GATB: variants seen among roughly 807,000 people sequenced by gnomAD.
The protein encoded by GATB is glutamyl-tRNA amidotransferase subunit B.
A neutral mutation model predicts 62.3 loss-of-function variants in GATB; 39 were observed. The ratio of observed to expected loss-of-function variants is 0.63; its 90% CI spans 0.48 to 0.82. GATB has a LOEUF of 0.82. Ranked by LOEUF, GATB falls within the 40% of genes least tolerant of loss-of-function variation. The pLI is 0.00. For synonymous variants in GATB, 276 were observed against 258.9 expected, an observed-to-expected ratio of 1.07 and a Z score of -0.63; for missense variants, 670 against 684.0, an observed-to-expected ratio of 0.98 and a Z score of 0.23.
At chr4:151,718,802 T>G (rs975211920) in intron 3 of GATB, among the ~76,000 whole-genome samples, 9 of 152,232 alleles carry the variant, frequency 5.9e-5, no homozygotes, top group African/African-American at 1.9e-4. Context: ...AAAAATTGGC[T>G]CTCACTCACA....
chr4:151,743,162 T>A (rs1296418127), intron 2 of GATB, among the ~76,000 whole-genome samples: 2 of 152,150 alleles, frequency 1.3e-5, no homozygotes, highest in Non-Finnish European at 2.9e-5. Flanking sequence ...CCTAAAAGAA[T>A]TTTCCCATGA....
intron 2 of GATB, among the ~76,000 whole-genome samples, chr4:151,752,845 G>A (rs1739746910): frequency 1.3e-5 from 2 of 152,164 alleles, no homozygotes; most frequent in Non-Finnish European, 2.9e-5. Context: ...TTTAAAGTAA[G>A]ATACTAAAAT....
At chr4:151,737,831 G>A (rs971406208) in intron 2 of GATB, among the ~76,000 whole-genome samples, 64 of 152,200 alleles carry the variant, frequency 4.2e-4, no homozygotes, top group Non-Finnish European at 2.9e-5. Flanking sequence ...GCTTCCACGT[G>A]GTGTTGAGCC....
At chr4:151,702,280 G>A (rs978312147) in intron 8 of GATB, among the ~76,000 whole-genome samples, 8 of 152,020 alleles carry the variant, frequency 5.3e-5, no homozygotes, top group Admixed American at 4.6e-4. Context: ...AAAAATGAAA[G>A]GAAAAAAATT....
intron 9 of GATB, among the ~76,000 whole-genome samples, chr4:151,690,573 T>C (rs1229839118): frequency 6.6e-6 from 1 of 152,232 alleles, no homozygotes; most frequent in African/African-American, 2.4e-5. Context: ...ACTGGTAAAA[T>C]GAGCTGTCAG....
At chr4:151,725,049 G>C (rs914102710) in intron 2 of GATB, among the ~76,000 whole-genome samples, 8 of 152,326 alleles carry the variant, frequency 5.3e-5, no homozygotes, top group Middle Eastern at 3.4e-3. Flanking sequence ...GTCAAAGAGG[G>C]CACATTTGGG....
chr4:151,671,604 G>A (rs1308829643), intron 12 of GATB, among the ~76,000 whole-genome samples: 1 of 152,132 alleles, frequency 6.6e-6, no homozygotes, highest in South Asian at 2.1e-4. Context: ...CACAATGACC[G>A]AGGACACTGA....
At chr4:151,697,953 G>GTATATATA (rs56231389) in intron 9 of GATB, among the ~76,000 whole-genome samples, 976 of 40,180 alleles carry the variant, frequency 0.024, 44 homozygotes, top group Middle Eastern at 0.042. Context: ...GTGTGTGTGT[G>GTATATATA]TATATATATA....
intron 9 of GATB, among the ~76,000 whole-genome samples, chr4:151,698,398 G>A (rs1738532055): frequency 6.6e-6 from 1 of 152,164 alleles, no homozygotes; most frequent in Non-Finnish European, 1.5e-5. Context: ...ATGGGGGTGG[G>A]CATGTGCATA....
chr4:151,722,403 T>A, intron 2 of GATB: 1 of 573,684 alleles, frequency 1.7e-6, no homozygotes, highest in Non-Finnish European at 3.1e-6. Context: ...TGTGGCATTC[T>A]GTTACCTGAA....
chr4:151,735,073 T>C (rs1349703966), intron 2 of GATB, among the ~76,000 whole-genome samples: 1 of 152,094 alleles, frequency 6.6e-6, no homozygotes, highest in Admixed American at 6.5e-5. Flanking sequence ...AAAGCAAAGA[T>C]AAATAGCTGG....
intron 2 of GATB, among the ~76,000 whole-genome samples, chr4:151,743,982 A>C (rs1739546889): frequency 6.6e-6 from 1 of 152,218 alleles, no homozygotes; most frequent in Admixed American, 6.5e-5. Context: ...TAACCATAAA[A>C]GCAGGGAAAA....
intron 2 of GATB, among the ~76,000 whole-genome samples, chr4:151,726,343 G>A (rs565014559): frequency 5.3e-5 from 8 of 152,198 alleles, no homozygotes; most frequent in Non-Finnish European, 2.9e-5. Flanking sequence ...TCTCACCACT[G>A]AGCCCTTTTA....
chr4:151,747,504 T>C (rs1739626399), intron 2 of GATB, among the ~76,000 whole-genome samples: 1 of 152,164 alleles, frequency 6.6e-6, no homozygotes, highest in Non-Finnish European at 1.5e-5. Flanking sequence ...ACCGGTTCAT[T>C]CAATAAAACC....
intron 3 of GATB, among the ~76,000 whole-genome samples, chr4:151,717,747 A>C (rs1356132048): frequency 6.6e-6 from 1 of 152,200 alleles, no homozygotes; most frequent in East Asian, 1.9e-4. Flanking sequence ...ATTACTTGCA[A>C]ACGCACAGAG....
chr4:151,711,909 C>T (rs1055503259), intron 5 of GATB, among the ~76,000 whole-genome samples: 6 of 152,170 alleles, frequency 3.9e-5, no homozygotes, highest in African/African-American at 1.4e-4. Context: ...TCTACAGTTC[C>T]GTCTGAATAG....
intron 9 of GATB, among the ~76,000 whole-genome samples, chr4:151,697,963 A>G (rs866998685): frequency 9.4e-5 from 11 of 116,708 alleles, no homozygotes; most frequent in Non-Finnish European, 1.7e-4. Flanking sequence ...GTATATATAT[A>G]TATATATATA....
chr4:151,732,063 CAGCCCCCGCCCGGCCAGCCGCCCCGTCCG>C lies in GATB; in HGVS notation c.328-12554_328-12526del, dbSNP rs1452972501. On this transcript the variant is annotated intron_variant, in intron 2 of 12. Transcript: ENST00000263985. ...CCGTCCGGGAGGGAGGTGGGGGGGT[CAGCCCCCGCCCGGCCAGCCGCCCCGTCCG>C]GGAGGGAGGTGGGGGGAGCCTCCGC... Among the ~76,000 whole-genome samples, 648 of 121,458 alleles carry C rather than the reference CAGCCCCCGCCCGGCCAGCCGCCCCGTCCG, an allele frequency of 5.3e-3. 6 individuals are homozygous for C. Among genetic ancestry groups the C allele is most frequent in the African/African-American group, 7.0e-3 (191 of 27,438 alleles). 79.7% of individuals were successfully genotyped at this position (121,458 alleles called of 152,430 possible).
At chr4:151,689,489 C>T (rs1188773561) in intron 9 of GATB, among the ~76,000 whole-genome samples, 1 of 152,124 alleles carries the variant, frequency 6.6e-6, no homozygotes, top group East Asian at 1.9e-4. Flanking sequence ...CTTGTTTCAT[C>T]AAGACTGTAC....
Sources: gnomAD v4.1 joint callset for allele counts (sites outside exome capture counted in the v4.1 genomes callset) on GRCh38, gnomAD v4.1.1 for gene constraint, MANE v1.5 for transcripts, NCBI Gene and HGNC (gene_info 2026-07-23, HGNC 2026-07-21) for gene names.